PGAP4: variants seen among roughly 807,000 people sequenced by gnomAD.
The protein encoded by PGAP4 is GPI-N-acetylgalactosamine transferase PGAP4.
In PGAP4, 12 loss-of-function variants were observed where a neutral mutation model predicts 28.2. That is an observed-to-expected ratio of 0.42 (90% CI 0.27 to 0.69). PGAP4 has a LOEUF of 0.69. PGAP4 is among the 30% of genes least tolerant of loss of function. The probability of loss-of-function intolerance (pLI) is 0.22; values close to 1 mark genes in which losing one functional copy is unlikely to be tolerated. For missense variants in PGAP4, 425 were observed against 513.5 expected (o/e 0.83, Z 1.67); for synonymous variants, 205 against 211.8 (o/e 0.97, Z 0.28).
chr9:101,486,668 C>T lies in PGAP4; in HGVS notation c.-78+281G>A, dbSNP rs890999806. 6.6e-6 allele frequency among the ~76,000 whole-genome samples: 1 copy of T among 152,176 alleles called. No homozygotes were observed. The highest frequency in any genetic ancestry group is 2.4e-5 in the African/African-American group (1 of 41,462). On this transcript the variant is annotated intron_variant, in intron 1 of 1. Coordinates refer to ENST00000374848, the MANE Select transcript of PGAP4 (RefSeq NM_032342.3). This position sits in a 1 kb window ranked among gnomAD's most constrained non-coding sequence, Gnocchi z 4.7. ...GCGCCCCCGAGACACTCAACCATCC[C>T]CGCACTGATGCGGGCCCCTGCTGCC...
At position 101,474,072 on chromosome 9, in the gene PGAP4, T is replaced by G. The variant is rs1231126384; in HGVS notation, c.*1809A>C. 6.6e-6 allele frequency: 1 copy of G among 152,206 alleles called. No individual in the cohort carries two copies. Among genetic ancestry groups the G allele is most frequent in the Non-Finnish European group, 1.5e-5 (1 of 68,040 alleles). The allele number at this position is 152,206 out of a possible 1,614,324, so 9.4% of individuals were successfully genotyped here. On this transcript the variant is annotated 3_prime_UTR_variant, in exon 2 of 2. Transcript: ENST00000374848. The stretch of plus-strand genomic sequence containing the variant: ...TCTAGTTCAGCTTATACTCAGATTT[T>G]ACAAAAGAGACTTTGACCACATAGA...
intron 1 of PGAP4, among the ~76,000 whole-genome samples, chr9:101,531,926 T>C (rs143155927): frequency 6.6e-5 from 10 of 152,352 alleles, no homozygotes; most frequent in African/African-American, 2.2e-4. Context: ...GTGGGGATTA[T>C]GGTAAACAAG....
chr9:101,474,742 T>A lies in PGAP4; in HGVS notation c.*1139A>T, dbSNP rs1471192953. 2.0e-5 allele frequency: 3 copies of A among 152,224 alleles called. No homozygotes were observed. The allele number at this position is 152,224 out of a possible 1,614,324, so 9.4% of individuals were successfully genotyped here. A position where few individuals can be genotyped will look rare whatever the true frequency, so the allele number is the denominator to read the frequency against. Reference sequence around the variant, plus strand: ...TTCCGAAATAAGCTTGAGTTGTATATGTTTATTATAGGAGAGAAAAGTTTG... The same window carrying A: ...TTCCGAAATAAGCTTGAGTTGTATAAGTTTATTATAGGAGAGAAAAGTTTG... On this transcript the variant is annotated 3_prime_UTR_variant, in exon 2 of 2. Coordinates refer to ENST00000374848, the MANE Select transcript of PGAP4 (RefSeq NM_032342.3).
chr9:101,478,493 C>G (rs1245178625), intron 1 of PGAP4, among the ~76,000 whole-genome samples: 1 of 152,252 alleles, frequency 6.6e-6, no homozygotes, highest in Non-Finnish European at 1.5e-5. Context: ...GGAGCAGACT[C>G]AGCCAGTGCT....
At chr9:101,522,071 A>G (rs189997829) in intron 2 of PGAP4, among the ~76,000 whole-genome samples, 34 of 152,256 alleles carry the variant, frequency 2.2e-4, no homozygotes, top group Middle Eastern at 3.4e-3. Context: ...CTGTGGTCCA[A>G]GAGAGTGCTT....
intron 2 of PGAP4, among the ~76,000 whole-genome samples, chr9:101,501,490 GTTAT>G (rs1333835062): frequency 1.3e-5 from 2 of 151,940 alleles, no homozygotes; most frequent in Non-Finnish European, 2.9e-5. Context: ...TCAAGTTTCA[GTTAT>G]TTATTAATCA....
chr9:101,502,458 T>C (rs1362962922), intron 2 of PGAP4, among the ~76,000 whole-genome samples: 2 of 152,014 alleles, frequency 1.3e-5, no homozygotes, highest in Non-Finnish European at 2.9e-5. Context: ...AATGAGACTC[T>C]TCCCCCTCAC....
intron 1 of PGAP4, among the ~76,000 whole-genome samples, chr9:101,485,251 T>G (rs1158069267): frequency 6.6e-6 from 1 of 152,204 alleles, no homozygotes; most frequent in Non-Finnish European, 1.5e-5. Flanking sequence ...TTACCCAGGA[T>G]GATAATTTTC....
At chr9:101,521,084 G>A (rs146937827) in intron 2 of PGAP4, among the ~76,000 whole-genome samples, 1 of 152,092 alleles carries the variant, frequency 6.6e-6, no homozygotes, top group African/African-American at 2.4e-5. Context: ...GATCATGGTG[G>A]ATTATCTTTT....
chr9:101,489,418 A>G (rs145439585), upstream of PGAP4, among the ~76,000 whole-genome samples: 102 of 152,260 alleles, frequency 6.7e-4, 1 homozygote, highest in African/African-American at 2.3e-3. Context: ...AAGAAAACCA[A>G]TAAGGCATAG....
chr9:101,514,994 A>G (rs937638887), intron 2 of PGAP4, among the ~76,000 whole-genome samples: 2 of 152,156 alleles, frequency 1.3e-5, no homozygotes, highest in East Asian at 1.9e-4. Context: ...ATGTGATGCT[A>G]TTTTACATTC....
intron 2 of PGAP4, among the ~76,000 whole-genome samples, chr9:101,528,519 C>A (rs923070850): frequency 6.6e-6 from 1 of 152,096 alleles, no homozygotes; most frequent in Non-Finnish European, 1.5e-5. Context: ...ACATGCTGTA[C>A]CCCCATCCCC....
rs1417956171 is a variant in PGAP4 at position 101,476,980 on chromosome 9, A to G, written c.113T>C (p.Leu38Pro). Residue 38 changes from leucine to proline, a missense_variant, in exon 2 of 2, where the codon CTG becomes CCG. Leu to Pro is a moderately conservative substitution (Grantham distance 98). Transcript: ENST00000374848. The surrounding 1 kb of genome is among the most constrained non-coding windows in gnomAD (Gnocchi z 7.0). ...FILTVVTFGL[L>P]APLACHRLLH... is the part of the protein sequence containing the mutation. Reference sequence around the variant, plus strand: ...AAGTCGGTGACAGGCCAGGGGGGCCAGCAGGCCAAACGTCACCACTGTTAG... The same window carrying G: ...AAGTCGGTGACAGGCCAGGGGGGCCGGCAGGCCAAACGTCACCACTGTTAG... 1.2e-6 allele frequency: 2 copies of G among 1,612,992 alleles called. No homozygotes were observed. Among genetic ancestry groups the G allele is most frequent in the Non-Finnish European group, 1.7e-6 (2 of 1,179,740 alleles).
chr9:101,504,910 C>A (rs7044695), intron 2 of PGAP4, among the ~76,000 whole-genome samples: 1 of 151,970 alleles, frequency 6.6e-6, no homozygotes, highest in African/African-American at 2.4e-5. Context: ...GCCAGTGGAC[C>A]CTGTCACCTA....
chr9:101,497,525 C>T (rs942416779), intron 2 of PGAP4, among the ~76,000 whole-genome samples: 2 of 151,502 alleles, frequency 1.3e-5, no homozygotes, highest in Admixed American at 6.6e-5. Flanking sequence ...TTTCATAACT[C>T]TCATGCCAAA....
chr9:101,505,380 A>G (rs1352621796), intron 2 of PGAP4, among the ~76,000 whole-genome samples: 1 of 152,086 alleles, frequency 6.6e-6, no homozygotes, highest in Non-Finnish European at 1.5e-5. Flanking sequence ...CTTCTAAGAG[A>G]TTACAAGATT....
Position 101,473,510 on chromosome 9 carries a change from G to A in PGAP4, c.*2371C>T, listed in dbSNP as rs554064869. The A allele has an allele frequency of 2.0e-5, 3 of 152,406 alleles. No individual in the cohort carries two copies. The highest frequency in any genetic ancestry group is 4.4e-5 in the Non-Finnish European group (3 of 68,074). The allele number at this position is 152,406 out of a possible 1,614,324, so 9.4% of individuals were successfully genotyped here. A position where few individuals can be genotyped will look rare whatever the true frequency, so the allele number is the denominator to read the frequency against. On this transcript the variant is annotated 3_prime_UTR_variant, in exon 2 of 2. Transcript: ENST00000374848. ...TGGGTGGGAACAAAAGAGCAGAACT[G>A]AGCCTGCATCTGCAGAAAATGTCCA... is the stretch of plus-strand genomic sequence containing the variant.
rs551285634 is a variant in PGAP4 at position 101,518,308 on chromosome 9, G to A, written c.-165+13040C>T. On this transcript the variant is annotated intron_variant, in intron 2 of 3. Transcript: ENST00000374851. Reference sequence around the variant, plus strand: ...GATCTTTTTTCCCTAAGTTATTGGGGGTACAGGTGGTATTTGGTTACATGA... The same window carrying A: ...GATCTTTTTTCCCTAAGTTATTGGGAGTACAGGTGGTATTTGGTTACATGA... Among the ~76,000 whole-genome samples, 4 of 151,980 alleles carry A rather than the reference G, an allele frequency of 2.6e-5. No individual in the cohort carries two copies. The South Asian group carries it at 8.3e-4, about 32-fold the overall frequency.
chr9:101,529,948 G>A (rs1827073033), intron 2 of PGAP4, among the ~76,000 whole-genome samples: 1 of 152,202 alleles, frequency 6.6e-6, no homozygotes, highest in Non-Finnish European at 1.5e-5. Flanking sequence ...GTATCTAAAT[G>A]TTTCTGTTTA....
Sources: gnomAD v4.1 joint callset for allele counts (sites outside exome capture counted in the v4.1 genomes callset) on GRCh38, gnomAD v4.1.1 for gene constraint, Gnocchi (gnomAD v3.1) non-coding constraint, MANE v1.5 for transcripts, NCBI Gene and HGNC (gene_info 2026-07-23, HGNC 2026-07-21) for gene names.